The following CPNE8 variants were observed in gnomAD, a reference collection of about 807,000 sequenced individuals.
The protein encoded by CPNE8 is copine-8.
A neutral mutation model predicts 81.5 loss-of-function variants in CPNE8; 45 were observed. The observed-to-expected ratio is 0.55, with a 90% CI of 0.44 to 0.71. The LOEUF is 0.71. Ranked by LOEUF, CPNE8 falls within the 30% of genes least tolerant of loss-of-function variation. The probability of loss-of-function intolerance (pLI) is 0.00; values close to 1 mark genes in which losing one functional copy is unlikely to be tolerated. For synonymous variants in CPNE8, 252 were observed against 226.3 expected (o/e 1.11, Z -1.02); for missense variants, 594 against 672.1 (o/e 0.88, Z 1.28).
intron 4 of CPNE8, among the ~76,000 whole-genome samples, chr12:38,848,078 T>C (rs2137056193): frequency 6.6e-6 from 1 of 152,280 alleles, no homozygotes; most frequent in East Asian, 1.9e-4. Flanking sequence ...CCAGACTTAG[T>C]ATCAAAGTAA....
chr12:38,693,097 C>T (rs2136672412), intron 15 of CPNE8, among the ~76,000 whole-genome samples: 1 of 152,278 alleles, frequency 6.6e-6, no homozygotes, highest in South Asian at 2.1e-4. Context: ...GCTATCCAAG[C>T]TCAGGCCCAA....
At chr12:38,800,993 A>C (rs1942649269) in intron 6 of CPNE8, among the ~76,000 whole-genome samples, 2 of 150,232 alleles carry the variant, frequency 1.3e-5, no homozygotes, top group Non-Finnish European at 3.0e-5. Flanking sequence ...GCCTCCAAGA[A>C]ATATGGGACT....
intron 16 of CPNE8, among the ~76,000 whole-genome samples, chr12:38,679,172 T>C (rs1488600274): frequency 1.3e-5 from 2 of 151,882 alleles, no homozygotes; most frequent in Non-Finnish European, 3.0e-5. Flanking sequence ...ATAGCTTTTA[T>C]GCTTTTCTTA....
At chr12:38,719,972 C>A (rs1373107282) in intron 13 of CPNE8, among the ~76,000 whole-genome samples, 1 of 151,994 alleles carries the variant, frequency 6.6e-6, no homozygotes, top group Non-Finnish European at 1.5e-5. Context: ...TTCCCCAGGC[C>A]CCATTTGTAA....
At chr12:38,741,977 C>T (rs1377027571) in intron 10 of CPNE8, among the ~76,000 whole-genome samples, 2 of 152,138 alleles carry the variant, frequency 1.3e-5, no homozygotes, top group Non-Finnish European at 1.5e-5. Flanking sequence ...CAATGAGATA[C>T]CATCTCACAC....
intron 10 of CPNE8, among the ~76,000 whole-genome samples, chr12:38,731,572 A>T (rs1008376102): frequency 2.0e-5 from 3 of 151,882 alleles, no homozygotes; most frequent in Non-Finnish European, 4.4e-5. Context: ...GTATATACTA[A>T]TATTTCATGG....
chr12:38,798,824 C>A (rs934643741), intron 6 of CPNE8, among the ~76,000 whole-genome samples: 1 of 152,064 alleles, frequency 6.6e-6, no homozygotes, highest in African/African-American at 2.4e-5. Flanking sequence ...CAGAGACACA[C>A]ATAGGCTCAA....
At chr12:38,811,191 A>G (rs903540674) in intron 6 of CPNE8, among the ~76,000 whole-genome samples, 10 of 151,608 alleles carry the variant, frequency 6.6e-5, no homozygotes, top group Non-Finnish European at 1.2e-4. Flanking sequence ...TATAAGACAT[A>G]TAAGTTTTAT....
intron 1 of CPNE8, 61 bp downstream of exon 1, chr12:38,905,376 C>T: frequency 6.5e-7 from 1 of 1,528,266 alleles, no homozygotes. Context: ...CGAGCGCTCT[C>T]CAAGTGCTAC....
chr12:38,659,190 G>A (rs1938894776), intron 19 of CPNE8, among the ~76,000 whole-genome samples: 1 of 150,056 alleles, frequency 6.7e-6, no homozygotes, highest in Admixed American at 6.7e-5. Flanking sequence ...AAAATGAAGG[G>A]ATGGAGGAAG....
At chr12:38,758,980 A>T (rs1328605381) in intron 10 of CPNE8, among the ~76,000 whole-genome samples, 1 of 152,158 alleles carries the variant, frequency 6.6e-6, no homozygotes, top group Non-Finnish European at 1.5e-5. Flanking sequence ...CCCCTTGTTT[A>T]TTAGTGGTTA....
intron 7 of CPNE8, among the ~76,000 whole-genome samples, chr12:38,773,141 G>T (rs1050360480): frequency 6.6e-6 from 1 of 152,056 alleles, no homozygotes; most frequent in Admixed American, 6.6e-5. Context: ...TAGAATGATG[G>T]TTTCCCGGGA....
At chr12:38,747,877 TGTGA>T (rs1255800513) in intron 10 of CPNE8, among the ~76,000 whole-genome samples, 7 of 152,288 alleles carry the variant, frequency 4.6e-5, no homozygotes, top group African/African-American at 7.2e-5. Flanking sequence ...CTAGAAAATA[TGTGA>T]GTAATTTACA....
At chr12:38,717,097 T>C (rs1290407333) in intron 13 of CPNE8, among the ~76,000 whole-genome samples, 5 of 151,860 alleles carry the variant, frequency 3.3e-5, no homozygotes, top group South Asian at 2.1e-4. Flanking sequence ...GATACCACCT[T>C]ATTCCTGCAA....
At chr12:38,807,289 G>C (rs1335682936) in intron 6 of CPNE8, among the ~76,000 whole-genome samples, 1 of 147,032 alleles carries the variant, frequency 6.8e-6, no homozygotes, top group Admixed American at 6.9e-5. Context: ...AGCCCGCATC[G>C]CCAAGTCAAT....
At chr12:38,876,303 C>A (rs1944065278) in intron 1 of CPNE8, among the ~76,000 whole-genome samples, 2 of 152,202 alleles carry the variant, frequency 1.3e-5, no homozygotes, top group Non-Finnish European at 2.9e-5. Context: ...CCTCCGCCTT[C>A]CAGGTTCAAG....
chr12:38,795,498 A>G (rs1259172090), intron 6 of CPNE8, among the ~76,000 whole-genome samples: 1 of 152,002 alleles, frequency 6.6e-6, no homozygotes, highest in East Asian at 1.9e-4. Context: ...AGATGAATGA[A>G]TAAGCAAAAT....
chr12:38,670,877 C>A, intron 18 of CPNE8, 75 bp from the exon 19 acceptor site: 1 of 1,085,080 alleles, frequency 9.2e-7, no homozygotes, highest in Non-Finnish European at 1.4e-6. Flanking sequence ...ACAAGGAAAT[C>A]AAGATGTATG....
At chr12:38,673,887 G>A (rs899936145) in intron 18 of CPNE8, among the ~76,000 whole-genome samples, 43 of 151,872 alleles carry the variant, frequency 2.8e-4, no homozygotes, top group Middle Eastern at 3.4e-3. Context: ...GCAAAACTCC[G>A]CCTCTATAAG....
Sources: gnomAD v4.1 joint callset for allele counts (sites outside exome capture counted in the v4.1 genomes callset) on GRCh38, gnomAD v4.1.1 for gene constraint, MANE v1.5 for transcripts, NCBI Gene and HGNC (gene_info 2026-07-23, HGNC 2026-07-21) for gene names.